The following TSPAN5 variants were observed in gnomAD, a reference collection of about 807,000 sequenced individuals.
TSPAN5 encodes tetraspanin-5.
TSPAN5 carries 10 observed loss-of-function variants against 37.1 expected under a neutral mutation model. That is an observed-to-expected ratio of 0.27 (90% CI 0.17 to 0.46). The LOEUF (loss-of-function observed/expected upper bound fraction) is 0.46, where lower values mean the gene tolerates loss of function less well. Among genes scored for constraint, TSPAN5 ranks in the 20% least tolerant of loss-of-function variants. The pLI, the probability that TSPAN5 is intolerant of heterozygous loss-of-function variation, is 1.00. For synonymous variants in TSPAN5, 110 were observed against 118.9 expected, an observed-to-expected ratio of 0.93 and a Z score of 0.48; for missense variants, 195 against 326.6, an observed-to-expected ratio of 0.60 and a Z score of 3.11.
chr4:98,532,144 CCTGAATGGTA>C (rs1754107875), intron 1 of TSPAN5, among the ~76,000 whole-genome samples: 1 of 152,166 alleles, frequency 6.6e-6, no homozygotes, highest in Non-Finnish European at 1.5e-5. Flanking sequence ...ATGCCTATGT[CCTGAATGGTA>C]CTGCCCAGGT....
chr4:98,549,321 G>C (rs1754552876), intron 1 of TSPAN5, among the ~76,000 whole-genome samples: 1 of 140,838 alleles, frequency 7.1e-6, no homozygotes, highest in South Asian at 2.3e-4. Flanking sequence ...TGTTTTTTTT[G>C]AGGCAGAGTC....
At chr4:98,638,797 A>C (rs1417952940) in intron 1 of TSPAN5, among the ~76,000 whole-genome samples, 2 of 152,210 alleles carry the variant, frequency 1.3e-5, no homozygotes, top group Non-Finnish European at 2.9e-5. Flanking sequence ...TTCCCGGGTC[A>C]AGGACAAAGG....
In TSPAN5 at chr4:98,616,553, C is replaced by T. The variant is rs892343601; in HGVS notation, c.81+41593G>A. Among the ~76,000 whole-genome samples the T allele has an allele frequency of 3.3e-5, 5 of 152,296 alleles. No individual in the cohort carries two copies. In the East Asian group the frequency reaches 7.7e-4, roughly 24 times the overall value. ...AAGAGGCGCTGGATGGCAAGATGAA[C>T]AAAGCACAGCCTCCACTCTCAAGGG... On this transcript the variant is annotated intron_variant, in intron 1 of 7. Transcript: ENST00000305798.
At chr4:98,482,922 A>C (rs1752879408) in intron 3 of TSPAN5, 1 of 152,110 alleles carries the variant, frequency 6.6e-6, no homozygotes. Flanking sequence ...TGTAGACAAC[A>C]GGGGTTTTAA....
chr4:98,592,706 C>T (rs377268413), intron 1 of TSPAN5, among the ~76,000 whole-genome samples: 3 of 148,560 alleles, frequency 2.0e-5, no homozygotes, highest in African/African-American at 5.0e-5. Flanking sequence ...TTTGTTCTTG[C>T]GATAGTTTAC....
intron 1 of TSPAN5, among the ~76,000 whole-genome samples, chr4:98,608,804 A>G (rs1016679019): frequency 5.9e-5 from 9 of 152,186 alleles, no homozygotes; most frequent in African/African-American, 2.2e-4. Context: ...CTCTGACTTG[A>G]AGTTGAGGAC....
chr4:98,558,170 T>A (rs1754794111), intron 1 of TSPAN5, among the ~76,000 whole-genome samples: 1 of 150,878 alleles, frequency 6.6e-6, no homozygotes, highest in Admixed American at 6.7e-5. Flanking sequence ...GAAACAGCAC[T>A]CGAACATAAA....
chr4:98,591,874 T>C (rs1229919921), intron 1 of TSPAN5, among the ~76,000 whole-genome samples: 1 of 151,992 alleles, frequency 6.6e-6, no homozygotes, highest in East Asian at 1.9e-4. Context: ...ACTATAAAAT[T>C]TATGTGAAAA....
At chr4:98,639,782 C>A (rs548087165) in intron 1 of TSPAN5, among the ~76,000 whole-genome samples, 1 of 152,120 alleles carries the variant, frequency 6.6e-6, no homozygotes, top group African/African-American at 2.4e-5. Context: ...TAGAAATGCA[C>A]GAGAAATCAA....
chr4:98,486,520 G>C, intron 3 of TSPAN5: 2 of 538,692 alleles, frequency 3.7e-6, no homozygotes, highest in Non-Finnish European at 6.6e-6. Context: ...AACCTCCATG[G>C]ATGGCATGGT....
intron 1 of TSPAN5, among the ~76,000 whole-genome samples, chr4:98,551,773 T>A (rs1754624150): frequency 6.6e-6 from 1 of 152,082 alleles, no homozygotes; most frequent in Non-Finnish European, 1.5e-5. Context: ...GTGCTGGGAT[T>A]ACAGGCATGA....
chr4:98,512,164 G>C (rs1753622463), intron 1 of TSPAN5, among the ~76,000 whole-genome samples: 2 of 152,164 alleles, frequency 1.3e-5, no homozygotes, highest in African/African-American at 4.8e-5. Flanking sequence ...AGTGAGCTGA[G>C]ATCGCGCCAC....
chr4:98,630,254 G>A (rs906451500), intron 1 of TSPAN5, among the ~76,000 whole-genome samples: 3 of 152,134 alleles, frequency 2.0e-5, no homozygotes, highest in African/African-American at 7.2e-5. Flanking sequence ...GGCACCAAAC[G>A]AAAAGCACTG....
rs75629830 is a variant in TSPAN5, at chr4:98,477,471, C to A, written c.577-1011G>T. On this transcript the variant is annotated intron_variant, in intron 5 of 7. Coordinates refer to ENST00000305798, the MANE Select transcript of TSPAN5 (RefSeq NM_005723.4). ...CCACAGCCTCCACCATAAGAAGGAGCATCCCCACTGAGCTCATCAGCACCC... is the reference window on the plus strand; with the variant it reads ...CCACAGCCTCCACCATAAGAAGGAGAATCCCCACTGAGCTCATCAGCACCC... 9.9e-3 allele frequency among the ~76,000 whole-genome samples: 1,500 copies of A among 152,244 alleles called. 21 individuals are homozygous for A. Among genetic ancestry groups the A allele is most frequent in the African/African-American group, 0.034 (1,414 of 41,532 alleles).
Position 98,472,454 on chromosome 4 carries a change from G to T in TSPAN5, c.*68C>A. ...TTAGGTCCATGCAGCTCGAAGATCA[G>T]TTCGGCACGCGGGAGGGTCCCGAAA... On this transcript the variant is annotated 3_prime_UTR_variant, in exon 8 of 8. Coordinates refer to ENST00000305798, the MANE Select transcript of TSPAN5 (RefSeq NM_005723.4). The T allele has an allele frequency of 6.9e-7, 1 of 1,442,634 alleles. No individual in the cohort carries two copies. The highest frequency in any genetic ancestry group is 9.7e-7 in the Non-Finnish European group (1 of 1,029,686). 89.4% of individuals were successfully genotyped at this position (1,442,634 alleles called of 1,614,324 possible).
intron 1 of TSPAN5, among the ~76,000 whole-genome samples, chr4:98,607,742 C>T (rs182171867): frequency 1.1e-4 from 17 of 150,494 alleles, no homozygotes; most frequent in Admixed American, 3.3e-4. Context: ...TGGAGTCTCA[C>T]TCTTGTCACC....
At chr4:98,486,209 C>T (rs375942155) in intron 3 of TSPAN5, among the ~76,000 whole-genome samples, 48 of 152,266 alleles carry the variant, frequency 3.2e-4, no homozygotes, top group Non-Finnish European at 5.7e-4. Context: ...TCACGCCAAC[C>T]GCACCACATC....
chr4:98,636,420 C>A (rs1203977412), intron 1 of TSPAN5, among the ~76,000 whole-genome samples: 1 of 152,162 alleles, frequency 6.6e-6, no homozygotes, highest in African/African-American at 2.4e-5. Context: ...TGGTGCCTAG[C>A]TTTAATCTTT....
intron 1 of TSPAN5, among the ~76,000 whole-genome samples, chr4:98,611,325 G>A (rs7700024): frequency 0.51 from 76,862 of 151,620 alleles, 19,787 homozygotes; most frequent in South Asian, 0.59. Context: ...AACTGGAGAT[G>A]AAAGCACCCG....
Sources: allele counts gnomAD v4.1 joint callset (sites outside exome capture counted in the v4.1 genomes callset), GRCh38; gene constraint gnomAD v4.1.1; transcripts MANE v1.5; gene names NCBI Gene and HGNC (gene_info 2026-07-23, HGNC 2026-07-21).